TRIM38: variants seen among roughly 807,000 people sequenced by gnomAD.
TRIM38 encodes tripartite motif containing 38, also known as E3 ubiquitin-protein ligase TRIM38.
In TRIM38, 35 loss-of-function variants were observed where a neutral mutation model predicts 35.8. That is an observed-to-expected ratio of 0.98 (90% CI 0.75 to 1.30). TRIM38 has a LOEUF of 1.30. Ranked by LOEUF, TRIM38 falls within the 50% of genes most tolerant of loss-of-function variation. TRIM38 has a pLI of 0.00. For missense variants in TRIM38, 545 were observed against 556.9 expected, an observed-to-expected ratio of 0.98 and a Z score of 0.21; for synonymous variants, 198 against 204.7, an observed-to-expected ratio of 0.97 and a Z score of 0.28.
chr6:25,967,925 A>G (rs1225417704), intron 3 of TRIM38, among the ~76,000 whole-genome samples: 1 of 152,220 alleles, frequency 6.6e-6, no homozygotes, highest in African/African-American at 2.4e-5. Context: ...AGCACGATTC[A>G]GGAAGAAGAG....
intron 7 of TRIM38, among the ~76,000 whole-genome samples, chr6:25,982,435 C>T (rs1014122103): frequency 6.6e-6 from 1 of 152,188 alleles, no homozygotes; most frequent in Non-Finnish European, 1.5e-5. Context: ...GCTCCCAGAG[C>T]TTAGGGCCTT....
intron 7 of TRIM38, chr6:25,974,973 C>A (rs1760347209): frequency 1.0e-6 from 1 of 984,742 alleles, no homozygotes; most frequent in Non-Finnish European, 1.2e-6. Context: ...TGCCTACTCT[C>A]ATCTTTTACA....
chr6:25,986,241 G>C lies in TRIM38; in HGVS notation c.*2554G>C, dbSNP rs572968965. ...ACAAAATGAAATTCAGACACTTACA[G>C]AGCAGCCAGGCATGGTGGCTCACAC... On this transcript the variant is annotated 3_prime_UTR_variant, in exon 8 of 8. Transcript: ENST00000357085. 6.6e-6 allele frequency: 1 copy of C among 152,278 alleles called. No individual in the cohort carries two copies. Among genetic ancestry groups the C allele is most frequent in the East Asian group, 1.9e-4 (1 of 5,176 alleles). The allele number at this position is 152,278 out of a possible 1,614,324, so 9.4% of individuals were successfully genotyped here.
rs1163955661 is a variant in TRIM38 at position 25,984,102 on chromosome 6, C to G, written c.*415C>G. The G allele has an allele frequency of 1.3e-5, 2 of 157,934 alleles. No homozygotes were observed. Among genetic ancestry groups the G allele is most frequent in the East Asian group, 1.8e-4 (1 of 5,426 alleles). 9.8% of individuals were successfully genotyped at this position (157,934 alleles called of 1,614,324 possible). ...TCCGCCAACTGCATTTAAAACAAAA[C>G]AAAACAGAAAAATCAAAATAACATT... On this transcript the variant is annotated 3_prime_UTR_variant, in exon 8 of 8. Coordinates refer to ENST00000357085, the MANE Select transcript of TRIM38 (RefSeq NM_006355.5).
rs1760766445 is a variant in TRIM38 at position 25,988,219 on chromosome 6, A to G, written c.*4532A>G. The G allele has an allele frequency of 6.6e-6, 1 of 152,198 alleles. No homozygotes were observed. Among genetic ancestry groups the G allele is most frequent in the Non-Finnish European group, 1.5e-5 (1 of 68,054 alleles). 9.4% of individuals were successfully genotyped at this position (152,198 alleles called of 1,614,324 possible). On this transcript the variant is annotated 3_prime_UTR_variant, in exon 8 of 8. Coordinates refer to ENST00000357085, the MANE Select transcript of TRIM38 (RefSeq NM_006355.5). ...CTGCCCCTGAGCTGCTACTCTGGGC[A>G]CATTACTTATGGGTTAGCCCTGCTC... is the stretch of plus-strand genomic sequence containing the variant.
In TRIM38 at chr6:25,989,359, T is replaced by C. The variant is rs1364780974; in HGVS notation, c.*5672T>C. Reference sequence around the variant, plus strand: ...GTGTGGCTTTTCTTCAACACTTCTTTGTAAATTTGCAAGTCCTTTGAGAAA... The same window carrying C: ...GTGTGGCTTTTCTTCAACACTTCTTCGTAAATTTGCAAGTCCTTTGAGAAA... On this transcript the variant is annotated 3_prime_UTR_variant, in exon 8 of 8. Coordinates refer to ENST00000357085, the MANE Select transcript of TRIM38 (RefSeq NM_006355.5). 8 of 152,216 alleles carry C rather than the reference T, an allele frequency of 5.3e-5. No individual in the cohort carries two copies. The highest frequency in any genetic ancestry group is 1.9e-4 in the African/African-American group (8 of 41,446). 9.4% of individuals were successfully genotyped at this position (152,216 alleles called of 1,614,324 possible).
rs1554143882 is a variant in TRIM38 at position 25,988,496 on chromosome 6, C to CTTTCTTTTTT, written c.*4812_*4813insCTTTTTTTTT. The CTTTCTTTTTT allele has an allele frequency of 9.4e-4, 59 of 63,026 alleles. 3 individuals carry two copies. Among genetic ancestry groups the CTTTCTTTTTT allele is most frequent in the Middle Eastern group, 0.025 (2 of 80 alleles). 3.9% of individuals were successfully genotyped at this position (63,026 alleles called of 1,614,324 possible). A position where few individuals can be genotyped will look rare whatever the true frequency, so the allele number is the denominator to read the frequency against. On this transcript the variant is annotated 3_prime_UTR_variant, in exon 8 of 8. Transcript: ENST00000357085. ...TTTCTTTTTCTTTTTTCTTTTCTTT[C>CTTTCTTTTTT]TTTTTTTTTTTTTTTTTGAGACAGA...
chr6:25,981,749 T>C (rs373709691), intron 7 of TRIM38, among the ~76,000 whole-genome samples: 1 of 152,206 alleles, frequency 6.6e-6, no homozygotes, highest in East Asian at 1.9e-4. Flanking sequence ...GCTAAGACAT[T>C]AGCTGAGTCA....
intron 2 of TRIM38, among the ~76,000 whole-genome samples, chr6:25,965,004 G>A (rs1459493593): frequency 6.6e-6 from 1 of 152,074 alleles, no homozygotes; most frequent in Admixed American, 6.6e-5. Flanking sequence ...GTAGAGATGA[G>A]GTTTTGCCAT....
chr6:25,988,896 T>G lies in TRIM38; in HGVS notation c.*5209T>G, dbSNP rs1760784773. On this transcript the variant is annotated 3_prime_UTR_variant, in exon 8 of 8. Coordinates refer to ENST00000357085, the MANE Select transcript of TRIM38 (RefSeq NM_006355.5). ...GTGCAGGTTTTTGTGTGGAGATAAGTTTTCAATTCCTTTGGATAAATACTA... is the reference window on the plus strand; with the variant it reads ...GTGCAGGTTTTTGTGTGGAGATAAGGTTTCAATTCCTTTGGATAAATACTA... 6.6e-6 allele frequency: 1 copy of G among 152,204 alleles called. No homozygotes were observed. The highest frequency in any genetic ancestry group is 1.5e-5 in the Non-Finnish European group (1 of 68,038). 9.4% of individuals were successfully genotyped at this position (152,204 alleles called of 1,614,324 possible).
At chr6:25,970,074 T>C (rs1051310323) in intron 4 of TRIM38, among the ~76,000 whole-genome samples, 3 of 152,058 alleles carry the variant, frequency 2.0e-5, no homozygotes, top group Admixed American at 6.5e-5. Flanking sequence ...TGTGCTACCA[T>C]GCCTGGCTAA....
chr6:25,966,845 G>A lies in TRIM38; in HGVS notation c.323G>A (p.Gly108Glu). 1 of 1,614,148 alleles carries A rather than the reference G, an allele frequency of 6.2e-7. No homozygotes were observed. The highest frequency in any genetic ancestry group is 8.5e-7 in the Non-Finnish European group (1 of 1,180,024). Residue 108 changes from glycine (G) to glutamate (E), a missense_variant, in exon 3 of 8, where the codon GGG becomes GAG. Gly to Glu is a moderately conservative substitution (Grantham distance 98). Coordinates refer to ENST00000357085, the MANE Select transcript of TRIM38 (RefSeq NM_006355.5). ...TTCCACCTGTTCTGCGAAGACGAGG[G>A]GCAGCTCATCTGCTGGCGCTGTGAG... is the stretch of plus-strand genomic sequence containing the variant. Reference protein sequence around the residue: ...EQFHLFCEDEGQLICWRCERA... With the variant: ...EQFHLFCEDEEQLICWRCERA...
In TRIM38 at chr6:25,974,741, T is replaced by A. The variant is rs570598002; in HGVS notation, c.874+1456T>A. On this transcript the variant is annotated intron_variant, in intron 7 of 7. Transcript: ENST00000357085. Reference sequence around the variant, plus strand: ...CATGATGGGGTTGAACTTTAGAGTATATGCATTTTTTTGCCTTTATAACTT... The same window carrying A: ...CATGATGGGGTTGAACTTTAGAGTAAATGCATTTTTTTGCCTTTATAACTT... 9 of 219,318 alleles carry A rather than the reference T, an allele frequency of 4.1e-5. No homozygotes were observed. The South Asian group carries it at 1.1e-3, about 28-fold the overall frequency. 13.6% of individuals were successfully genotyped at this position (219,318 alleles called of 1,614,324 possible).
intron 7 of TRIM38, among the ~76,000 whole-genome samples, chr6:25,977,319 A>C (rs777648082): frequency 5.3e-5 from 8 of 152,172 alleles, no homozygotes; most frequent in Non-Finnish European, 7.3e-5. Context: ...TCGAGGCTGC[A>C]GTAAGCTATG....
In TRIM38 at chr6:25,984,649, C is replaced by T. The variant is rs1760663158; in HGVS notation, c.*962C>T. 6.6e-6 allele frequency: 1 copy of T among 152,044 alleles called. No homozygotes were observed. Among genetic ancestry groups the T allele is most frequent in the African/African-American group, 2.4e-5 (1 of 41,390 alleles). The allele number at this position is 152,044 out of a possible 1,614,324, so 9.4% of individuals were successfully genotyped here. On this transcript the variant is annotated 3_prime_UTR_variant, in exon 8 of 8. Coordinates refer to ENST00000357085, the MANE Select transcript of TRIM38 (RefSeq NM_006355.5). ...ATCCCAGAACTATGTGAGGCTGAGGCAGGTGGATCACTTGAGGTCAGGAGT... is the reference window on the plus strand; with the variant it reads ...ATCCCAGAACTATGTGAGGCTGAGGTAGGTGGATCACTTGAGGTCAGGAGT...
intron 3 of TRIM38, 59 bp from the exon 4 acceptor site, chr6:25,969,266 C>T (rs970304733): frequency 4.9e-6 from 6 of 1,235,658 alleles, no homozygotes; most frequent in Non-Finnish European, 7.1e-6. Flanking sequence ...GGGATTCCCC[C>T]TAGGTCCCTA....
chr6:25,966,774 C>T lies in TRIM38; in HGVS notation c.252C>T (p.Leu84=), dbSNP rs574235672. ...NKQLGSLIEA[L]KETDQEMSCE... The stretch of plus-strand genomic sequence containing the variant: ...AGCTGGGAAGCCTCATTGAAGCCCT[C>T]AAAGAGACGGATCAAGAAATGTCAT... The change falls in exon 3 of 8, where the codon CTC becomes CTT. Residue 84 remains leucine (L), a synonymous_variant. Coordinates refer to ENST00000357085, the MANE Select transcript of TRIM38 (RefSeq NM_006355.5). 16 of 1,614,192 alleles carry T rather than the reference C, an allele frequency of 9.9e-6. No homozygotes were observed. The East Asian group carries it at 2.9e-4, about 29-fold the overall frequency.
At position 25,964,260 on chromosome 6, in the gene TRIM38, G is replaced by A. The variant is rs1228356738; in HGVS notation, c.-189+978G>A. On this transcript the variant is annotated intron_variant, in intron 2 of 7. Transcript: ENST00000357085. ...AATATAAATATGTATGCATATGTATGTATGTATAAATATGTATGTATACTG... is the reference window on the plus strand; with the variant it reads ...AATATAAATATGTATGCATATGTATATATGTATAAATATGTATGTATACTG... Among the ~76,000 whole-genome samples, 12 of 152,102 alleles carry A rather than the reference G, an allele frequency of 7.9e-5. No individual in the cohort carries two copies. In the South Asian group the frequency reaches 1.9e-3, roughly 24 times the overall value.
chr6:25,966,666 C>A lies in TRIM38; in HGVS notation c.144C>A (p.Ser48Arg), dbSNP rs752474237. The change falls in exon 3 of 8, where the codon AGC (serine) becomes AGA (arginine). Residue 48 changes from serine to arginine, a missense_variant. Ser to Arg is a moderately radical substitution (Grantham distance 110). Transcript: ENST00000357085. ...TAACAGACTTCTTTAAAAACCCAAG[C>A]CAAAAGCAACTGAGGCAGGAGACAT... ...LCITDFFKNP[S>R]QKQLRQETFC... The A allele has an allele frequency of 9.9e-6, 16 of 1,614,156 alleles. No individual in the cohort carries two copies. The South Asian group carries it at 1.5e-4, about 16-fold the overall frequency.
Sources: gnomAD v4.1 joint callset for allele counts (sites outside exome capture counted in the v4.1 genomes callset) on GRCh38, gnomAD v4.1.1 for gene constraint, MANE v1.5 for transcripts, NCBI Gene and HGNC (gene_info 2026-07-23, HGNC 2026-07-21) for gene names.